LYST: variants seen among roughly 807,000 people sequenced by gnomAD.
The protein encoded by LYST is lysosomal trafficking regulator.
A neutral mutation model predicts 413.6 loss-of-function variants in LYST; 192 were observed. That is an observed-to-expected ratio of 0.46 (90% CI 0.41 to 0.52). The LOEUF is 0.52. Among genes scored for constraint, LYST ranks in the 20% least tolerant of loss-of-function variants. The probability of loss-of-function intolerance (pLI) is 0.00; values close to 1 mark genes in which losing one functional copy is unlikely to be tolerated. For synonymous variants in LYST, 1,525 were observed against 1,567.3 expected, an observed-to-expected ratio of 0.97 and a Z score of 0.64; for missense variants, 3,815 against 4,499.9, an observed-to-expected ratio of 0.85 and a Z score of 4.35.
intron 21 of LYST, among the ~76,000 whole-genome samples, chr1:235,763,330 T>C (rs533928936): frequency 3.3e-5 from 5 of 152,222 alleles, no homozygotes; most frequent in Non-Finnish European, 7.3e-5. Flanking sequence ...ATCCGAATCA[T>C]CTTTTTGCCC....
At chr1:235,731,721 A>G (rs1269466623) in intron 34 of LYST, among the ~76,000 whole-genome samples, 1 of 151,808 alleles carries the variant, frequency 6.6e-6, no homozygotes, top group Non-Finnish European at 1.5e-5. Flanking sequence ...ACACCTGGCT[A>G]ATTTTTGTAT....
chr1:235,867,280 A>G (rs1019819683), upstream of LYST, among the ~76,000 whole-genome samples: 1 of 152,134 alleles, frequency 6.6e-6, no homozygotes, highest in Admixed American at 6.5e-5. Flanking sequence ...GAAGCACCAA[A>G]CACAAGCGCA....
At chr1:235,719,169 C>T (rs1260948298) in intron 40 of LYST, among the ~76,000 whole-genome samples, 2 of 152,138 alleles carry the variant, frequency 1.3e-5, no homozygotes, top group African/African-American at 4.8e-5. Context: ...CAGGCATGTG[C>T]CACCACGGCC....
chr1:235,737,957 G>A (rs1280511836), intron 31 of LYST: 1,532 of 1,269,016 alleles, frequency 1.2e-3, no homozygotes, highest in Admixed American at 7.9e-3. Flanking sequence ...CCCGCCGGAC[G>A]TGCATTCTCG....
At chr1:235,723,984 T>C (rs1346201547) in intron 39 of LYST, 44 bp downstream of exon 39, 2 of 1,528,878 alleles carry the variant, frequency 1.3e-6, no homozygotes, top group African/African-American at 1.4e-5. Context: ...CAGTGGCCCA[T>C]GAGCACTTAA....
Position 235,674,955 on chromosome 1 carries a change from G to A in LYST, c.11038+2136C>T, listed in dbSNP as rs561019169. Among the ~76,000 whole-genome samples, 3 of 152,208 alleles carry A rather than the reference G, an allele frequency of 2.0e-5. No individual in the cohort carries two copies. The South Asian group carries it at 6.2e-4, about 32-fold the overall frequency. On this transcript the variant is annotated intron_variant, in intron 50 of 52. Transcript: ENST00000389793. The surrounding 1 kb of genome is among the most constrained non-coding windows in gnomAD (Gnocchi z 4.1). Reference sequence around the variant, plus strand: ...AGTTGCTGCATCATACCTTGTATTCGTGGATCAAGGCAAAGGCTTATAGAA... The same window carrying A: ...AGTTGCTGCATCATACCTTGTATTCATGGATCAAGGCAAAGGCTTATAGAA...
At chr1:235,687,562 T>G (rs1467042056) in intron 47 of LYST, among the ~76,000 whole-genome samples, 1 of 152,158 alleles carries the variant, frequency 6.6e-6, no homozygotes, top group Non-Finnish European at 1.5e-5. Context: ...GATTATGCCT[T>G]TGGTACAAAA....
intron 37 of LYST, among the ~76,000 whole-genome samples, chr1:235,729,152 T>C (rs888903827): frequency 6.6e-6 from 1 of 152,292 alleles, no homozygotes; most frequent in South Asian, 2.1e-4. Context: ...TATAACTATA[T>C]AGGTATCTAT....
chr1:235,697,288 A>G lies in LYST; in HGVS notation c.10375-16T>C. ...ACAAAGGACTCTAAAATGAAGAAAA[A>G]TAAAAAGTATGGCTTTTTAAAAGGT... On this transcript the variant is annotated splice_polypyrimidine_tract_variant and intron_variant, in intron 45 of 52. Transcript: ENST00000389793. The G allele has an allele frequency of 1.3e-6, 2 of 1,596,348 alleles. No individual in the cohort carries two copies. The highest frequency in any genetic ancestry group is 1.7e-6 in the Non-Finnish European group (2 of 1,164,834).
chr1:235,769,982 G>T (rs951242024), intron 20 of LYST, among the ~76,000 whole-genome samples, 178 bp downstream of exon 20: 1 of 151,796 alleles, frequency 6.6e-6, no homozygotes, highest in African/African-American at 2.4e-5. Flanking sequence ...TGATCAAGCT[G>T]TAAGATGCAG....
rs200793880 is a variant in LYST at position 235,809,374 on chromosome 1, T to C, written c.1444A>G (p.Thr482Ala). The C allele has an allele frequency of 6.2e-7, 1 of 1,613,984 alleles. No homozygotes were observed. The highest frequency in any genetic ancestry group is 1.7e-5 in the Admixed American group (1 of 59,990). The change falls in exon 5 of 53, where the codon ACT (threonine) becomes GCT (alanine). Residue 482 changes from threonine (T) to alanine (A), a missense_variant. Physicochemically the swap from Thr to Ala is moderately conservative, Grantham distance 58. Coordinates refer to ENST00000389793, the MANE Select transcript of LYST (RefSeq NM_000081.4). This position sits in a 1 kb window ranked among gnomAD's most constrained non-coding sequence, Gnocchi z 4.0. Reference sequence around the variant, plus strand: ...TGCTCTGATTTCACTTTTTTGACAGTGCTCATTATTTTCATCACACTATTT... The same window carrying C: ...TGCTCTGATTTCACTTTTTTGACAGCGCTCATTATTTTCATCACACTATTT... ...LINSVMKIMS[T>A]VKKVKSEQLH...
intron 7 of LYST, 149 bp downstream of exon 7, chr1:235,804,355 C>T: frequency 1.4e-6 from 1 of 714,248 alleles, no homozygotes; most frequent in Non-Finnish European, 2.5e-6. Flanking sequence ...ATCACATATC[C>T]ATCACGAGGA....
chr1:235,880,416 CCTGTGTTGATTTATTA>C (rs535480327), intron 1 of LYST, among the ~76,000 whole-genome samples: 9,358 of 152,214 alleles, frequency 0.061, 966 homozygotes, highest in African/African-American at 0.21. Flanking sequence ...AGTCAAGGAT[CCTGTGTTGATTTATTA>C]CTCGGTAAAA....
At chr1:235,855,422 C>T (rs147144821) in intron 1 of LYST, among the ~76,000 whole-genome samples, 1 of 152,194 alleles carries the variant, frequency 6.6e-6, no homozygotes, top group East Asian at 1.9e-4. Flanking sequence ...AAGGCACTAC[C>T]GAAACACCTT....
At chr1:235,678,132 A>G (rs1414857387) in intron 48 of LYST, among the ~76,000 whole-genome samples, 1 of 137,810 alleles carries the variant, frequency 7.3e-6, no homozygotes, top group Non-Finnish European at 1.5e-5. Flanking sequence ...GAAATAAATA[A>G]TTAAAGTTTT....
rs932633530 is a variant in LYST at position 235,853,194 on chromosome 1, T to C, written c.-98+13649A>G. On this transcript the variant is annotated intron_variant, in intron 1 of 52. Coordinates refer to ENST00000389793, the MANE Select transcript of LYST (RefSeq NM_000081.4). ...TTGTACATTTATACCAAAAAGTAAA[T>C]GACTTGGAAGAAAAATGTTGCTCCT... 1.8e-5 allele frequency: 3 copies of C among 166,534 alleles called. No homozygotes were observed. In the Admixed American group the frequency reaches 2.0e-4, roughly 11 times the overall value. 10.3% of individuals were successfully genotyped at this position (166,534 alleles called of 1,614,324 possible).
chr1:235,775,088 T>TAAA lies in LYST; in HGVS notation c.5461-5_5461-3dup, dbSNP rs557545474. ...TTCACAGCTACTGAGTTCAACAACC[T>TAAA]AAAAAAAAAAATGGGTGGATATAGT... is the stretch of plus-strand genomic sequence containing the variant. On this transcript the variant is annotated splice_region_variant and splice_polypyrimidine_tract_variant and intron_variant, in intron 17 of 52. Transcript: ENST00000389793. 7.9e-7 allele frequency: 1 copy of TAAA among 1,264,312 alleles called. No individual in the cohort carries two copies. The highest frequency in any genetic ancestry group is 1.1e-6 in the Non-Finnish European group (1 of 920,930). The allele number at this position is 1,264,312 out of a possible 1,614,324, so 78.3% of individuals were successfully genotyped here. A position where few individuals can be genotyped will look rare whatever the true frequency, so the allele number is the denominator to read the frequency against.
chr1:235,846,007 G>A (rs898515925), intron 1 of LYST, among the ~76,000 whole-genome samples: 3 of 152,150 alleles, frequency 2.0e-5, no homozygotes, highest in Middle Eastern at 3.4e-3. Flanking sequence ...TCTGGAAAGC[G>A]CCACCTCCTG....
At chr1:235,786,497 T>C (rs369155467) in intron 14 of LYST, among the ~76,000 whole-genome samples, 4 of 152,282 alleles carry the variant, frequency 2.6e-5, no homozygotes, top group South Asian at 4.1e-4. Flanking sequence ...GTGGTGATTC[T>C]TCAAGGATCT....
Sources: gnomAD v4.1 joint callset for allele counts (sites outside exome capture counted in the v4.1 genomes callset) on GRCh38, gnomAD v4.1.1 for gene constraint, Gnocchi (gnomAD v3.1) non-coding constraint, MANE v1.5 for transcripts, NCBI Gene and HGNC (gene_info 2026-07-23, HGNC 2026-07-21) for gene names.